Variants in PATJ observed in about 807,000 individuals in gnomAD.
PATJ encodes PATJ crumbs cell polarity complex component.
Under a neutral mutation model 224.9 loss-of-function variants are expected in PATJ, and 190 were observed. That is an observed-to-expected ratio of 0.84 (90% CI 0.75 to 0.95). PATJ has a LOEUF of 0.95. Ranked by LOEUF, PATJ falls within the 40% of genes least tolerant of loss-of-function variation. The probability of loss-of-function intolerance (pLI) is 0.00; values close to 1 mark genes in which losing one functional copy is unlikely to be tolerated. For synonymous variants in PATJ, 769 were observed against 820.3 expected (o/e 0.94, Z 1.07); for missense variants, 2,121 against 2,270.3 (o/e 0.93, Z 1.34).
intron 27 of PATJ, among the ~76,000 whole-genome samples, chr1:61,965,656 G>A (rs1350652733): frequency 2.0e-5 from 3 of 152,204 alleles, no homozygotes; most frequent in Non-Finnish European, 4.4e-5. Flanking sequence ...AAATTGAGAA[G>A]TACAGAGAAG....
At chr1:62,030,144 T>G (rs1047181418) in intron 29 of PATJ, among the ~76,000 whole-genome samples, 2 of 152,162 alleles carry the variant, frequency 1.3e-5, no homozygotes, top group Non-Finnish European at 2.9e-5. Context: ...AATAAAGCCT[T>G]TAGATTAAAC....
intron 14 of PATJ, among the ~76,000 whole-genome samples, chr1:61,810,214 G>A (rs1654435084): frequency 6.6e-6 from 1 of 152,004 alleles, no homozygotes; most frequent in African/African-American, 2.4e-5. Context: ...CCTGCATCTT[G>A]AGTCACTTCA....
At chr1:61,944,077 C>A (rs764825805) in intron 27 of PATJ, among the ~76,000 whole-genome samples, 2 of 152,180 alleles carry the variant, frequency 1.3e-5, no homozygotes, top group Non-Finnish European at 2.9e-5. Flanking sequence ...ATGTCACCAT[C>A]ATCAGGGACC....
chr1:61,906,802 A>G (rs938704296), intron 24 of PATJ, among the ~76,000 whole-genome samples: 3 of 152,158 alleles, frequency 2.0e-5, no homozygotes, highest in Admixed American at 2.0e-4. Context: ...GAAGCTCATG[A>G]GCAGCCACTC....
At position 61,763,121 on chromosome 1, in the gene PATJ, G is replaced by A; in HGVS notation, c.131G>A (p.Ser44Asn). The A allele has an allele frequency of 3.7e-6, 6 of 1,609,040 alleles. No individual in the cohort carries two copies. The highest frequency in any genetic ancestry group is 5.1e-6 in the Non-Finnish European group (6 of 1,177,064). ...TCTATGTTTTATGAGACACTAAAGA[G>A]TCCTCTCTTCAACCAGATACTCACA... ...KLSMFYETLK[S>N]PLFNQILTLQ... Residue 44 changes from serine (S) to asparagine (N), a missense_variant, in exon 3 of 44, where the codon AGT (serine) becomes AAT (asparagine). Physicochemically the swap from Ser to Asn is conservative, Grantham distance 46. Coordinates refer to ENST00000642238, the MANE Select transcript of PATJ (RefSeq NM_001350145.3).
chr1:61,809,235 A>C (rs1335853099), intron 14 of PATJ, among the ~76,000 whole-genome samples: 1 of 152,196 alleles, frequency 6.6e-6, no homozygotes, highest in Non-Finnish European at 1.5e-5. Context: ...AACTTAGAGA[A>C]GCCTTGTAGG....
At chr1:61,795,698 T>A (rs1169868442) in intron 10 of PATJ, 140 bp downstream of exon 10, 1 of 493,844 alleles carries the variant, frequency 2.0e-6, no homozygotes, top group African/African-American at 2.0e-5. Flanking sequence ...TACAGTGAAA[T>A]CTCATTATTT....
intron 27 of PATJ, among the ~76,000 whole-genome samples, chr1:61,987,314 A>G (rs1430368347): frequency 6.6e-6 from 1 of 152,078 alleles, no homozygotes; most frequent in Non-Finnish European, 1.5e-5. Flanking sequence ...AGTTGCAAAA[A>G]ATGTGCATTT....
At chr1:62,039,000 A>G in intron 30 of PATJ, 1 of 1,345,288 alleles carries the variant, frequency 7.4e-7, no homozygotes, top group Non-Finnish European at 1.1e-6. Context: ...CAGCTGAGCT[A>G]ACCTCTGACC....
intron 17 of PATJ, among the ~76,000 whole-genome samples, chr1:61,843,835 A>G (rs1486870349): frequency 6.6e-6 from 1 of 152,212 alleles, no homozygotes; most frequent in Admixed American, 6.5e-5. Flanking sequence ...TTTCAAAGAT[A>G]GAATCTGGGT....
At chr1:62,085,564 A>G (rs1659856299) in intron 33 of PATJ, among the ~76,000 whole-genome samples, 1 of 152,176 alleles carries the variant, frequency 6.6e-6, no homozygotes, top group Non-Finnish European at 1.5e-5. Flanking sequence ...AGTATACATC[A>G]GGCCAGCATG....
Position 61,944,375 on chromosome 1 carries a change from C to T in PATJ, c.3670+16546C>T, listed in dbSNP as rs1272580369. On this transcript the variant is annotated intron_variant, in intron 27 of 43. Transcript: ENST00000642238. ...ACTAGAATAACCAGTGTAGAGAAGT[C>T]CTTAAATGACCTGTTGGAGCTGAAA... Among the ~76,000 whole-genome samples, 3 of 152,078 alleles carry T rather than the reference C, an allele frequency of 2.0e-5. No homozygotes were observed. The East Asian group carries it at 5.8e-4, about 29-fold the overall frequency.
chr1:62,040,660 T>G (rs1385661263), intron 30 of PATJ, among the ~76,000 whole-genome samples: 2 of 151,812 alleles, frequency 1.3e-5, no homozygotes, highest in Non-Finnish European at 2.9e-5. Context: ...TGGAAGCGTC[T>G]TAGAAGCTGG....
chr1:62,089,639 A>G (rs958140949), intron 33 of PATJ, among the ~76,000 whole-genome samples: 1 of 152,044 alleles, frequency 6.6e-6, no homozygotes, highest in South Asian at 2.1e-4. Flanking sequence ...AAATAAAGCT[A>G]TTATTTACCA....
At chr1:62,044,159 G>T (rs183408387) in intron 30 of PATJ, among the ~76,000 whole-genome samples, 1 of 152,208 alleles carries the variant, frequency 6.6e-6, no homozygotes. Flanking sequence ...CAAGAATACA[G>T]TACATTGTTG....
At chr1:61,811,419 G>A (rs1654740582) in intron 14 of PATJ, among the ~76,000 whole-genome samples, 1 of 151,802 alleles carries the variant, frequency 6.6e-6, no homozygotes, top group African/African-American at 2.4e-5. Context: ...TAGTAGAGAT[G>A]GAGTTTCACC....
At chr1:61,776,733 T>TTC (rs1173306835) in intron 7 of PATJ, among the ~76,000 whole-genome samples, 1 of 151,862 alleles carries the variant, frequency 6.6e-6, no homozygotes, top group African/African-American at 2.4e-5. Context: ...ATCTACTTTT[T>TTC]TTTTTTTTTT....
In PATJ at chr1:62,071,174, A is replaced by C. The variant is rs192434324; in HGVS notation, c.4126-8276A>C. Among the ~76,000 whole-genome samples the C allele has an allele frequency of 1.1e-3, 170 of 152,316 alleles. 3 individuals carry two copies. The South Asian group carries it at 0.03, about 27-fold the overall frequency. On this transcript the variant is annotated intron_variant, in intron 31 of 43. Coordinates refer to ENST00000642238, the MANE Select transcript of PATJ (RefSeq NM_001350145.3). ...AATTGCCTCCAGCATTTCCTACAGGAGAAAAGTGTCCTTTCTAGGTCGCTT... is the reference window on the plus strand; with the variant it reads ...AATTGCCTCCAGCATTTCCTACAGGCGAAAAGTGTCCTTTCTAGGTCGCTT...
chr1:61,955,492 G>A (rs1393920490), intron 27 of PATJ, among the ~76,000 whole-genome samples: 3 of 152,128 alleles, frequency 2.0e-5, no homozygotes, highest in Admixed American at 6.5e-5. Context: ...GCTTGTAGGA[G>A]GGAAACGATA....
Sources: gnomAD v4.1 joint callset for allele counts (sites outside exome capture counted in the v4.1 genomes callset) on GRCh38, gnomAD v4.1.1 for gene constraint, MANE v1.5 for transcripts, NCBI Gene and HGNC (gene_info 2026-07-23, HGNC 2026-07-21) for gene names.